Variants in AGBL4 observed in about 807,000 individuals in gnomAD.
AGBL4 encodes the protein AGBL carboxypeptidase 4.
In AGBL4, 58 loss-of-function variants were observed where a neutral mutation model predicts 66.4. The observed-to-expected ratio is 0.87, with a 90% CI of 0.71 to 1.09. The LOEUF (loss-of-function observed/expected upper bound fraction) is 1.09. Ranked by LOEUF, AGBL4 falls within the 50% of genes least tolerant of loss-of-function variation. The probability of loss-of-function intolerance (pLI) is 0.00; values close to 1 mark genes in which losing one functional copy is unlikely to be tolerated. For missense variants in AGBL4, 579 were observed against 631.0 expected, an observed-to-expected ratio of 0.92 and a Z score of 0.88; for synonymous variants, 234 against 222.9, an observed-to-expected ratio of 1.05 and a Z score of -0.44.
rs544742560 is a variant in AGBL4 at position 49,093,190 on chromosome 1, T to G, written c.378-47390A>C. On this transcript the variant is annotated intron_variant, in intron 4 of 13. Transcript: ENST00000371839. Reference sequence around the variant, plus strand: ...CAAAGAGAAATTCAAATGGGACAGATGTCAGTCCCCTCCCAGCATCTTTTG... The same window carrying G: ...CAAAGAGAAATTCAAATGGGACAGAGGTCAGTCCCCTCCCAGCATCTTTTG... 2.0e-5 allele frequency among the ~76,000 whole-genome samples: 3 copies of G among 152,280 alleles called. No individual in the cohort carries two copies. The East Asian group carries it at 5.8e-4, about 29-fold the overall frequency.
rs75041032 is a variant in AGBL4 at position 49,428,505 on chromosome 1, T to C, written c.283-182641A>G. Among the ~76,000 whole-genome samples, 841 of 152,328 alleles carry C rather than the reference T, an allele frequency of 5.5e-3. 3 individuals are homozygous for C. Among genetic ancestry groups the C allele is most frequent in the Middle Eastern group, 0.02 (6 of 294 alleles). On this transcript the variant is annotated intron_variant, in intron 3 of 13. Transcript: ENST00000371839. Reference sequence around the variant, plus strand: ...GATGTTTTGGATTGGTTGTGAATAATAGCAGCAGAGGTCTAGCCAGCTGAC... The same window carrying C: ...GATGTTTTGGATTGGTTGTGAATAACAGCAGCAGAGGTCTAGCCAGCTGAC...
At chr1:49,521,754 A>G (rs1650280387) in intron 3 of AGBL4, among the ~76,000 whole-genome samples, 1 of 152,144 alleles carries the variant, frequency 6.6e-6, no homozygotes, top group African/African-American at 2.4e-5. Flanking sequence ...CTTGGCAAAG[A>G]ATTAATGACT....
chr1:49,501,587 A>T (rs1051366850), intron 3 of AGBL4, among the ~76,000 whole-genome samples: 3 of 151,878 alleles, frequency 2.0e-5, no homozygotes, highest in Admixed American at 2.0e-4. Flanking sequence ...TTATCTTTTC[A>T]AAAAACCAAC....
intron 6 of AGBL4, among the ~76,000 whole-genome samples, chr1:48,740,934 C>T (rs1456121817): frequency 6.6e-6 from 1 of 152,198 alleles, no homozygotes; most frequent in Non-Finnish European, 1.5e-5. Flanking sequence ...AGTCTTATAG[C>T]AACATGCTGG....
At chr1:50,019,666 T>C (rs761928322) in intron 1 of AGBL4, among the ~76,000 whole-genome samples, 2 of 152,064 alleles carry the variant, frequency 1.3e-5, no homozygotes, top group Non-Finnish European at 2.9e-5. Context: ...GACTGCATCA[T>C]TTAAAAAAAT....
intron 4 of AGBL4, among the ~76,000 whole-genome samples, chr1:49,133,310 G>A (rs1037368637): frequency 2.5e-4 from 38 of 152,090 alleles, no homozygotes; most frequent in Non-Finnish European, 1.0e-4. Context: ...TAGATGACAG[G>A]TTGATAGGTG....
intron 4 of AGBL4, among the ~76,000 whole-genome samples, chr1:49,161,218 A>T (rs1010332780): frequency 6.6e-6 from 1 of 152,196 alleles, no homozygotes; most frequent in Non-Finnish European, 1.5e-5. Context: ...TGCCAGTTGC[A>T]AAGGCCATAG....
chr1:48,662,249 T>C (rs1240209969), intron 7 of AGBL4, among the ~76,000 whole-genome samples: 1 of 152,200 alleles, frequency 6.6e-6, no homozygotes, highest in Non-Finnish European at 1.5e-5. Context: ...CAGGACTGGG[T>C]GTGCTGTTTA....
At chr1:48,922,804 A>G (rs961678668) in intron 5 of AGBL4, among the ~76,000 whole-genome samples, 1 of 152,106 alleles carries the variant, frequency 6.6e-6, no homozygotes, top group Non-Finnish European at 1.5e-5. Context: ...ATCATGTCCA[A>G]TTAATATCAT....
At chr1:48,547,933 C>T (rs1200227103) in intron 11 of AGBL4, among the ~76,000 whole-genome samples, 2 of 152,114 alleles carry the variant, frequency 1.3e-5, no homozygotes, top group South Asian at 4.1e-4. Context: ...TCTCTTGAGT[C>T]CTTTTTCAGT....
chr1:49,190,458 A>C (rs1295179164), intron 4 of AGBL4, among the ~76,000 whole-genome samples: 1 of 152,156 alleles, frequency 6.6e-6, no homozygotes, highest in African/African-American at 2.4e-5. Context: ...GAAATAAGTT[A>C]TTGGTTTGAC....
chr1:49,824,457 T>C (rs1645455068), intron 2 of AGBL4, among the ~76,000 whole-genome samples: 1 of 152,208 alleles, frequency 6.6e-6, no homozygotes, highest in Non-Finnish European at 1.5e-5. Flanking sequence ...AGATATGGCA[T>C]TTGAATCACA....
At chr1:49,115,550 T>C (rs1367318343) in intron 4 of AGBL4, among the ~76,000 whole-genome samples, 1 of 152,006 alleles carries the variant, frequency 6.6e-6, no homozygotes, top group Non-Finnish European at 1.5e-5. Flanking sequence ...ATTTGGTCAA[T>C]AAATATATAC....
intron 6 of AGBL4, among the ~76,000 whole-genome samples, chr1:48,792,976 G>T (rs530532784): frequency 7.2e-5 from 11 of 152,200 alleles, no homozygotes; most frequent in African/African-American, 2.6e-4. Flanking sequence ...TTGGTGAATG[G>T]CCCCACTACC....
At chr1:48,992,450 G>A (rs963860659) in intron 5 of AGBL4, among the ~76,000 whole-genome samples, 8 of 152,012 alleles carry the variant, frequency 5.3e-5, no homozygotes, top group Non-Finnish European at 7.4e-5. Flanking sequence ...ATAGCACTGC[G>A]TCTTGCCCAA....
intron 4 of AGBL4, among the ~76,000 whole-genome samples, chr1:49,123,034 T>C (rs1645690660): frequency 6.6e-6 from 1 of 152,074 alleles, no homozygotes; most frequent in Non-Finnish European, 1.5e-5. Context: ...TTTGTATTTT[T>C]AGTAGAGATA....
chr1:49,917,767 T>C (rs1651716163), intron 1 of AGBL4, among the ~76,000 whole-genome samples: 1 of 152,112 alleles, frequency 6.6e-6, no homozygotes, highest in Admixed American at 6.5e-5. Context: ...CCACCACAAA[T>C]CAACAGAATA....
chr1:49,295,530 G>A (rs761001406), intron 3 of AGBL4, among the ~76,000 whole-genome samples: 7 of 152,196 alleles, frequency 4.6e-5, no homozygotes, highest in Non-Finnish European at 7.3e-5. Flanking sequence ...ACATAGTGTA[G>A]TGGAGGAACC....
At chr1:49,680,271 G>T (rs751637181) in intron 3 of AGBL4, among the ~76,000 whole-genome samples, 9 of 151,642 alleles carry the variant, frequency 5.9e-5, no homozygotes, top group Admixed American at 3.3e-4. Context: ...GGATGGTCTC[G>T]ATCTCTTGAC....
Sources: allele counts gnomAD v4.1 joint callset (sites outside exome capture counted in the v4.1 genomes callset), GRCh38; gene constraint gnomAD v4.1.1; transcripts MANE v1.5; gene names NCBI Gene and HGNC (gene_info 2026-07-23, HGNC 2026-07-21).